LSAMP: variants seen among roughly 807,000 people sequenced by gnomAD.
LSAMP encodes the protein limbic system-associated membrane protein.
LSAMP carries 7 observed loss-of-function variants against 38.6 expected under a neutral mutation model. The ratio of observed to expected loss-of-function variants is 0.18; its 90% CI spans 0.10 to 0.34. LSAMP has a LOEUF of 0.34. LSAMP is among the 10% of genes least tolerant of loss of function. The probability of loss-of-function intolerance (pLI) is 1.00; values close to 1 mark genes in which losing one functional copy is unlikely to be tolerated. For missense variants in LSAMP, 313 were observed against 420.0 expected (o/e 0.75, Z 2.23); for synonymous variants, 154 against 166.8 (o/e 0.92, Z 0.59).
intron 1 of LSAMP, among the ~76,000 whole-genome samples, chr3:116,394,312 T>C (rs1397451321): frequency 6.6e-6 from 1 of 152,216 alleles, no homozygotes; most frequent in Admixed American, 6.5e-5. Flanking sequence ...GTTTTTGATA[T>C]AGATATGTAA....
chr3:116,295,513 T>TG (rs762888368), intron 1 of LSAMP, among the ~76,000 whole-genome samples: 22 of 152,228 alleles, frequency 1.4e-4, no homozygotes, highest in Non-Finnish European at 2.1e-4. Context: ...TTCTATTATG[T>TG]GGTCAGTCCC....
intron 3 of LSAMP, among the ~76,000 whole-genome samples, chr3:115,889,050 T>C (rs1035113613): frequency 6.6e-6 from 1 of 151,826 alleles, no homozygotes; most frequent in Non-Finnish European, 1.5e-5. Context: ...ACGCCATCTG[T>C]TGAGATTCCT....
At chr3:116,223,456 C>T (rs1372945520) in intron 1 of LSAMP, among the ~76,000 whole-genome samples, 1 of 151,998 alleles carries the variant, frequency 6.6e-6, no homozygotes, top group Non-Finnish European at 1.5e-5. Context: ...TTTAATGTGG[C>T]TTATCAATTC....
intron 1 of LSAMP, among the ~76,000 whole-genome samples, chr3:116,196,995 A>G (rs1226339845): frequency 6.6e-6 from 1 of 152,088 alleles, no homozygotes; most frequent in Non-Finnish European, 1.5e-5. Flanking sequence ...TGCACCTCCC[A>G]AAAGGTCCAT....
chr3:116,245,700 T>A (rs1453892557), intron 1 of LSAMP, among the ~76,000 whole-genome samples: 1 of 152,194 alleles, frequency 6.6e-6, no homozygotes, highest in Non-Finnish European at 1.5e-5. Context: ...AAAAAGTAAG[T>A]TAGTTCATTA....
At chr3:116,183,623 A>G (rs1361869056) in intron 1 of LSAMP, among the ~76,000 whole-genome samples, 2 of 151,842 alleles carry the variant, frequency 1.3e-5, no homozygotes, top group African/African-American at 4.8e-5. Context: ...TTACCTAATA[A>G]GATAGAGTTT....
chr3:116,111,178 G>T (rs1368031210), intron 1 of LSAMP, among the ~76,000 whole-genome samples: 1 of 152,152 alleles, frequency 6.6e-6, no homozygotes, highest in East Asian at 1.9e-4. Context: ...GGGCATATAC[G>T]TGCAAGTCAC....
chr3:116,405,957 T>G (rs367838771), intron 1 of LSAMP, among the ~76,000 whole-genome samples: 1 of 152,090 alleles, frequency 6.6e-6, no homozygotes, highest in African/African-American at 2.4e-5. Flanking sequence ...GCCTAGAAAA[T>G]TATCTGGACT....
chr3:116,273,671 AAG>A lies in LSAMP; in HGVS notation c.155+171204_155+171205del, dbSNP rs1475595941. Among the ~76,000 whole-genome samples, 4 of 52,088 alleles carry A rather than the reference AAG, an allele frequency of 7.7e-5. 1 individual carries two copies. In the East Asian group the frequency reaches 2.1e-3, roughly 27 times the overall value. 34.2% of individuals were successfully genotyped at this position (52,088 alleles called of 152,430 possible). A position where few individuals can be genotyped will look rare whatever the true frequency, so the allele number is the denominator to read the frequency against. On this transcript the variant is annotated intron_variant, in intron 1 of 6. Transcript: ENST00000490035. Reference sequence around the variant, plus strand: ...AATACCCCAGAGGACCACCAAGAGAAAGAGAAAGAGGCATATATATATATATA... The same window carrying A: ...AATACCCCAGAGGACCACCAAGAGAAAGAAAGAGGCATATATATATATATA...
intron 1 of LSAMP, among the ~76,000 whole-genome samples, chr3:116,243,739 G>A (rs2107640841): frequency 6.6e-6 from 1 of 152,226 alleles, no homozygotes; most frequent in Non-Finnish European, 1.5e-5. Flanking sequence ...ATCATATGCT[G>A]TTACTGAACT....
intron 2 of LSAMP, among the ~76,000 whole-genome samples, chr3:116,028,557 G>C (rs1940846982): frequency 6.6e-6 from 1 of 152,114 alleles, no homozygotes; most frequent in African/African-American, 2.4e-5. Flanking sequence ...GAGGTACAAG[G>C]TTGGCATTAG....
chr3:116,192,136 T>C (rs1202861051), intron 1 of LSAMP, among the ~76,000 whole-genome samples: 1 of 152,248 alleles, frequency 6.6e-6, no homozygotes, highest in East Asian at 1.9e-4. Flanking sequence ...GGCTTCATGA[T>C]TGTTAAATTC....
At chr3:116,247,886 T>C (rs2107645016) in intron 1 of LSAMP, among the ~76,000 whole-genome samples, 1 of 152,360 alleles carries the variant, frequency 6.6e-6, no homozygotes. Context: ...TTACTTCTCC[T>C]CACCTAAATT....
At chr3:115,986,491 A>C (rs918247002) in intron 3 of LSAMP, among the ~76,000 whole-genome samples, 1 of 152,124 alleles carries the variant, frequency 6.6e-6, no homozygotes, top group Admixed American at 6.6e-5. Context: ...ATGCTTTTTG[A>C]ATTTTTATTT....
At chr3:115,843,142 T>C (rs1400259) in intron 4 of LSAMP, among the ~76,000 whole-genome samples, 13,797 of 152,298 alleles carry the variant, frequency 0.091, 1,013 homozygotes, top group Admixed American at 0.25. Context: ...TTTTATTTTA[T>C]GTGTTCCCTT....
intron 1 of LSAMP, among the ~76,000 whole-genome samples, chr3:116,257,190 C>T (rs1009088198): frequency 6.6e-6 from 1 of 152,054 alleles, no homozygotes; most frequent in Non-Finnish European, 1.5e-5. Context: ...GGGACCCAAG[C>T]GTTATAGTTA....
intron 3 of LSAMP, among the ~76,000 whole-genome samples, chr3:115,921,717 A>T (rs1026645319): frequency 2.6e-5 from 4 of 152,042 alleles, no homozygotes; most frequent in Non-Finnish European, 5.9e-5. Flanking sequence ...TGAAGTTTTT[A>T]GCTTTCTTAT....
At chr3:116,378,143 G>A (rs2048516432) in intron 1 of LSAMP, among the ~76,000 whole-genome samples, 1 of 152,024 alleles carries the variant, frequency 6.6e-6, no homozygotes, top group South Asian at 2.1e-4. Flanking sequence ...TACTTTGTGT[G>A]GTTTTGACCA....
chr3:115,944,393 C>T (rs182693246), intron 3 of LSAMP, among the ~76,000 whole-genome samples: 317 of 152,170 alleles, frequency 2.1e-3, no homozygotes, highest in African/African-American at 7.4e-3. Flanking sequence ...GGGTGACTGT[C>T]GATTGAAATC....
Sources: allele counts gnomAD v4.1 joint callset (sites outside exome capture counted in the v4.1 genomes callset), GRCh38; gene constraint gnomAD v4.1.1; transcripts MANE v1.5; gene names NCBI Gene and HGNC (gene_info 2026-07-23, HGNC 2026-07-21).